TBCD: variants seen among roughly 807,000 people sequenced by gnomAD.
TBCD encodes tubulin folding cofactor D.
TBCD carries 105 observed loss-of-function variants against 169.3 expected under a neutral mutation model. The observed-to-expected ratio is 0.62, with a 90% CI of 0.53 to 0.73. The LOEUF is 0.73. Among genes scored for constraint, TBCD ranks in the 30% least tolerant of loss-of-function variants. TBCD has a pLI of 0.00. For missense variants in TBCD, 1,444 were observed against 1,600.1 expected (o/e 0.90, Z 1.66); for synonymous variants, 700 against 643.9 (o/e 1.09, Z -1.32).
chr17:82,905,268 C>T (rs1006705601), intron 19 of TBCD, among the ~76,000 whole-genome samples: 10 of 152,248 alleles, frequency 6.6e-5, no homozygotes, highest in African/African-American at 2.2e-4. Flanking sequence ...GGGAGTGTGT[C>T]GTCCTCCTCC....
rs2057858516 is a variant in TBCD at position 82,874,886 on chromosome 17, TCTAA to T, written c.1475+4509_1475+4512del. 2.0e-5 allele frequency among the ~76,000 whole-genome samples: 3 copies of T among 152,362 alleles called. No homozygotes were observed. The highest frequency in any genetic ancestry group is 2.1e-4 in the South Asian group (1 of 4,830). Reference sequence around the variant, plus strand: ...GGGAACGTGATACAATCTTGATTTCTCTAACTTTCACAAGTTCTTCGGTGGGTCC... The same window carrying T: ...GGGAACGTGATACAATCTTGATTTCTCTTTCACAAGTTCTTCGGTGGGTCC... On this transcript the variant is annotated intron_variant, in intron 14 of 38. Transcript: ENST00000355528. This position sits in a 1 kb window ranked among gnomAD's most constrained non-coding sequence, Gnocchi z 5.0.
chr17:82,898,781 A>C (rs2059667949), intron 17 of TBCD, among the ~76,000 whole-genome samples: 1 of 152,102 alleles, frequency 6.6e-6, no homozygotes, highest in African/African-American at 2.4e-5. Flanking sequence ...CTTAGAGATT[A>C]TTGTTTAAAA....
chr17:82,941,152 C>A (rs954953567), intron 37 of TBCD, among the ~76,000 whole-genome samples: 12 of 152,256 alleles, frequency 7.9e-5, no homozygotes, highest in African/African-American at 4.8e-5. Flanking sequence ...GGGCGTGGTC[C>A]TTCCCGAGGG....
chr17:82,939,196 G>A (rs2062910273), intron 36 of TBCD, 171 bp from the exon 37 acceptor site: 1 of 647,010 alleles, frequency 1.5e-6, no homozygotes, highest in Non-Finnish European at 2.8e-6. Flanking sequence ...AATGGGCCTG[G>A]AAGGCACCTC....
chr17:82,809,345 G>T (rs1014338602), intron 11 of TBCD, among the ~76,000 whole-genome samples: 2 of 152,138 alleles, frequency 1.3e-5, no homozygotes, highest in Non-Finnish European at 2.9e-5. Flanking sequence ...CGTTTGGGGT[G>T]GCACAGAGGA....
Position 82,831,826 on chromosome 17 carries a change from C to T in TBCD, c.1318+16892C>T, listed in dbSNP as rs1460230498. On this transcript the variant is annotated intron_variant, in intron 13 of 38. Coordinates refer to ENST00000355528, the MANE Select transcript of TBCD (RefSeq NM_005993.5). The surrounding 1 kb of genome is among the most constrained non-coding windows in gnomAD (Gnocchi z 4.6). ...AAACTCTGGTGGAAGGAAAGGTGAG[C>T]CGGCTTTCCAGGGGTAGCCAGGAGT... 1 of 1,614,024 alleles carries T rather than the reference C, an allele frequency of 6.2e-7. No individual in the cohort carries two copies. Among genetic ancestry groups the T allele is most frequent in the Admixed American group, 1.7e-5 (1 of 59,996 alleles).
rs1441406367 is a variant in TBCD, at chr17:82,776,606, T to C, written c.638+4099T>C. Among the ~76,000 whole-genome samples, 5 of 152,220 alleles carry C rather than the reference T, an allele frequency of 3.3e-5. No individual in the cohort carries two copies. In the East Asian group the frequency reaches 9.6e-4, roughly 29 times the overall value. On this transcript the variant is annotated intron_variant, in intron 6 of 38. Transcript: ENST00000355528. ...TAACTGCTGATGAATGGCTCCGTCGTGTTCTGCTGTGTTTCGATACTGCAC... is the reference window on the plus strand; with the variant it reads ...TAACTGCTGATGAATGGCTCCGTCGCGTTCTGCTGTGTTTCGATACTGCAC...
intron 6 of TBCD, among the ~76,000 whole-genome samples, chr17:82,773,740 T>A (rs1336988724): frequency 2.6e-5 from 4 of 151,648 alleles, no homozygotes; most frequent in African/African-American, 7.3e-5. Context: ...TTTTTTTTTT[T>A]AATTGAGATG....
intron 15 of TBCD, chr17:82,886,040 G>T (rs2058684361): frequency 6.6e-6 from 1 of 152,234 alleles, no homozygotes; most frequent in Non-Finnish European, 1.5e-5. Flanking sequence ...GTGAGGCCCT[G>T]AGGCCTCTTC....
intron 17 of TBCD, among the ~76,000 whole-genome samples, chr17:82,899,673 T>G (rs1026817889): frequency 1.3e-5 from 2 of 152,248 alleles, no homozygotes; most frequent in African/African-American, 4.8e-5. Context: ...GTTAGAATTT[T>G]TATATATTTA....
At chr17:82,888,400 T>C (rs2058898765) in intron 15 of TBCD, among the ~76,000 whole-genome samples, 1 of 152,252 alleles carries the variant, frequency 6.6e-6, no homozygotes, top group Non-Finnish European at 1.5e-5. Flanking sequence ...TTAAAACATC[T>C]TTTAGATACC....
intron 34 of TBCD, 199 bp from the exon 35 acceptor site, chr17:82,937,072 C>T (rs1168064911): frequency 3.5e-5 from 20 of 574,382 alleles, no homozygotes; most frequent in Admixed American, 3.3e-4. Flanking sequence ...GGTGGTGGCA[C>T]AGCCGCTAGG....
At chr17:82,939,280 C>CG in intron 36 of TBCD, 87 bp from the exon 37 acceptor site, 1 of 1,069,676 alleles carries the variant, frequency 9.3e-7, no homozygotes, top group Non-Finnish European at 1.4e-6. Flanking sequence ...CTTCCACTGA[C>CG]GGGGCTCCCT....
At chr17:82,902,630 G>A (rs2059966910) in intron 18 of TBCD, among the ~76,000 whole-genome samples, 2 of 152,264 alleles carry the variant, frequency 1.3e-5, no homozygotes, top group African/African-American at 4.8e-5. Context: ...GGTCCTGCCA[G>A]CGCGGGCGTC....
chr17:82,758,160 G>A (rs1284832863), intron 2 of TBCD, among the ~76,000 whole-genome samples: 1 of 151,674 alleles, frequency 6.6e-6, no homozygotes, highest in Admixed American at 6.6e-5. Context: ...AGGCCGGGGC[G>A]GGTGGATCAC....
intron 13 of TBCD, among the ~76,000 whole-genome samples, chr17:82,818,809 A>G (rs865956128): frequency 2.6e-4 from 40 of 152,188 alleles, no homozygotes; most frequent in African/African-American, 7.2e-4. Flanking sequence ...GCTCATGCCT[A>G]TAATCCCAGC....
Position 82,915,683 on chromosome 17 carries a change from C to T in TBCD, c.2038+3894C>T, listed in dbSNP as rs745709583. Among the ~76,000 whole-genome samples, 7 of 152,096 alleles carry T rather than the reference C, an allele frequency of 4.6e-5. No individual in the cohort carries two copies. The highest frequency in any genetic ancestry group is 2.0e-4 in the Admixed American group (3 of 15,280). ...TTTATCCTGCTCACATGTGGATCACCGAGGGCAGGGGCCGGGAGGAAGGGG... is the reference window on the plus strand; with the variant it reads ...TTTATCCTGCTCACATGTGGATCACTGAGGGCAGGGGCCGGGAGGAAGGGG... On this transcript the variant is annotated intron_variant, in intron 23 of 38. Coordinates refer to ENST00000355528, the MANE Select transcript of TBCD (RefSeq NM_005993.5). The surrounding 1 kb of genome is among the most constrained non-coding windows in gnomAD (Gnocchi z 4.3).
rs1170817247 is a variant in TBCD at position 82,833,849 on chromosome 17, G to C, written c.1318+18915G>C. On this transcript the variant is annotated intron_variant, in intron 13 of 38. Coordinates refer to ENST00000355528, the MANE Select transcript of TBCD (RefSeq NM_005993.5). This position sits in a 1 kb window ranked among gnomAD's most constrained non-coding sequence, Gnocchi z 4.7. ...GTGTGTGTGATGTCAGAGCTGGCCT[G>C]CTCTTTTGGATTCTTCCAGAGGGTC... Among the ~76,000 whole-genome samples, 2 of 152,202 alleles carry C rather than the reference G, an allele frequency of 1.3e-5. No homozygotes were observed. Among genetic ancestry groups the C allele is most frequent in the African/African-American group, 4.8e-5 (2 of 41,442 alleles).
rs895586148 is a variant in TBCD at position 82,922,028 on chromosome 17, G to C, written c.2178+451G>C. Among the ~76,000 whole-genome samples, 1 of 152,112 alleles carries C rather than the reference G, an allele frequency of 6.6e-6. No homozygotes were observed. Among genetic ancestry groups the C allele is most frequent in the African/African-American group, 2.4e-5 (1 of 41,412 alleles). On this transcript the variant is annotated intron_variant, in intron 25 of 38. Coordinates refer to ENST00000355528, the MANE Select transcript of TBCD (RefSeq NM_005993.5). The surrounding 1 kb of genome is among the most constrained non-coding windows in gnomAD (Gnocchi z 4.1). Reference sequence around the variant, plus strand: ...TGTGTGTGTGTGTCCCCGGCCACCTGCCCTCCCCTCCCGTCCTGGGGGTTA... The same window carrying C: ...TGTGTGTGTGTGTCCCCGGCCACCTCCCCTCCCCTCCCGTCCTGGGGGTTA...
Sources: gnomAD v4.1 joint callset for allele counts (sites outside exome capture counted in the v4.1 genomes callset) on GRCh38, gnomAD v4.1.1 for gene constraint, Gnocchi (gnomAD v3.1) non-coding constraint, MANE v1.5 for transcripts, NCBI Gene and HGNC (gene_info 2026-07-23, HGNC 2026-07-21) for gene names.